Variants in RFC3 observed in about 807,000 individuals in gnomAD.
The protein encoded by RFC3 is A1 38 kDa subunit.
In RFC3, 41 loss-of-function variants were observed where a neutral mutation model predicts 45.1. That is an observed-to-expected ratio of 0.91 (90% CI 0.71 to 1.18). RFC3 has a LOEUF of 1.18. Ranked by LOEUF, RFC3 falls within the 50% of genes most tolerant of loss-of-function variation. The pLI is 0.00. For missense variants in RFC3, 423 were observed against 428.1 expected (o/e 0.99, Z 0.10); for synonymous variants, 149 against 144.0 (o/e 1.03, Z -0.25).
At chr13:33,857,018 T>C (rs544514943) in intron 8 of RFC3, among the ~76,000 whole-genome samples, 1 of 152,306 alleles carries the variant, frequency 6.6e-6, no homozygotes, top group East Asian at 1.9e-4. Context: ...AAGTGGACTT[T>C]GTACTTTGAA....
the RFC3 span, among the ~76,000 whole-genome samples, chr13:33,973,170 A>G: frequency 7.9e-5 from 12 of 152,288 alleles, no homozygotes; most frequent in Admixed American, 5.2e-4. Context: ...ATATATATAC[A>G]TAAGTAATAG....
chr13:33,883,283 C>T (rs2082497317), intron 8 of RFC3, among the ~76,000 whole-genome samples: 1 of 152,126 alleles, frequency 6.6e-6, no homozygotes, highest in African/African-American at 2.4e-5. Context: ...AGAATATGGA[C>T]ATGGAAAATG....
chr13:33,874,035 T>C (rs1019126708), intron 8 of RFC3, among the ~76,000 whole-genome samples: 1 of 151,970 alleles, frequency 6.6e-6, no homozygotes, highest in Non-Finnish European at 1.5e-5. Context: ...TTTAATGTTA[T>C]TGCTCTTTCT....
At chr13:33,878,422 G>T (rs1190437640) in intron 8 of RFC3, among the ~76,000 whole-genome samples, 2 of 152,140 alleles carry the variant, frequency 1.3e-5, no homozygotes, top group African/African-American at 4.8e-5. Flanking sequence ...CAGAGGAGGA[G>T]GGATGGTGAG....
At chr13:33,837,921 T>TA (rs2082169972), downstream of RFC3, among the ~76,000 whole-genome samples, 1 of 152,178 alleles carries the variant, frequency 6.6e-6, no homozygotes, top group South Asian at 2.1e-4. Flanking sequence ...AGTTCAAACT[T>TA]TTCTGATTTC....
At chr13:33,894,096 A>G (rs903758898) in intron 8 of RFC3, among the ~76,000 whole-genome samples, 4 of 152,198 alleles carry the variant, frequency 2.6e-5, no homozygotes, top group African/African-American at 9.6e-5. Flanking sequence ...ACTTTTTCCA[A>G]TAAGCAACAC....
Position 33,831,254 on chromosome 13 carries a change from A to AGATATCCTTTTAC in RFC3, c.711-1_722dup, listed in dbSNP as rs2082100945. 6.4e-7 allele frequency: 1 copy of AGATATCCTTTTAC among 1,557,086 alleles called. No individual in the cohort carries two copies. Among genetic ancestry groups the AGATATCCTTTTAC allele is most frequent in the African/African-American group, 1.4e-5 (1 of 73,720 alleles). On this transcript the variant is annotated splice_acceptor_variant, in intron 6 of 8. Coordinates refer to ENST00000380071, the MANE Select transcript of RFC3 (RefSeq NM_002915.4). LOFTEE classifies it high-confidence loss of function. ...TTCTTGTGTTCTCTTTTTGTCATGT[A>AGATATCCTTTTAC]GATATCCTTTTACTGCAGATCAAGA... is the stretch of plus-strand genomic sequence containing the variant.
intron 8 of RFC3, among the ~76,000 whole-genome samples, chr13:33,896,125 C>CA: frequency 6.6e-6 from 1 of 150,532 alleles, no homozygotes; most frequent in East Asian, 2.0e-4. Flanking sequence ...GTTTGCATAA[C>CA]AAAAAAACCA....
intron 8 of RFC3, among the ~76,000 whole-genome samples, chr13:33,878,275 T>G (rs898402921): frequency 2.0e-5 from 3 of 152,224 alleles, no homozygotes; most frequent in Admixed American, 6.5e-5. Flanking sequence ...TTGAGTGATA[T>G]CCAGTGGTTA....
intron 8 of RFC3, among the ~76,000 whole-genome samples, chr13:33,963,835 T>C (rs949055121): frequency 6.6e-6 from 1 of 152,202 alleles, no homozygotes; most frequent in Non-Finnish European, 1.5e-5. Context: ...TATGAAAGCC[T>C]CACCAAAGAG....
chr13:33,867,889 T>G (rs1764815577), intron 8 of RFC3, among the ~76,000 whole-genome samples: 1 of 152,256 alleles, frequency 6.6e-6, no homozygotes, highest in Non-Finnish European at 1.5e-5. Flanking sequence ...TTGTCTTTCC[T>G]TCCTCCCTAC....
rs1555234341 is a variant in RFC3 at position 33,860,915 on chromosome 13, A to ATAT, written c.879+25699_879+25700insATT. The stretch of plus-strand genomic sequence containing the variant: ...AGAAACATATTAAATATATATATAT[A>ATAT]TTTTTTTACCAGGTCTTGCTCTGTT... On this transcript the variant is annotated intron_variant, in intron 8 of 8. Transcript: ENST00000434425. Among the ~76,000 whole-genome samples, 11 of 150,428 alleles carry ATAT rather than the reference A, an allele frequency of 7.3e-5. No individual in the cohort carries two copies. The South Asian group carries it at 1.5e-3, about 20-fold the overall frequency.
chr13:33,968,281 C>T (rs1464561005), downstream of RFC3, among the ~76,000 whole-genome samples: 1 of 152,192 alleles, frequency 6.6e-6, no homozygotes, highest in African/African-American at 2.4e-5. Flanking sequence ...GTGTGCGCCA[C>T]TACACCTGGC....
At chr13:33,840,147 ATGGGC>A (rs2082187165), downstream of RFC3, among the ~76,000 whole-genome samples, 3 of 152,140 alleles carry the variant, frequency 2.0e-5, no homozygotes, top group South Asian at 2.1e-4. Flanking sequence ...TCCTTGATTT[ATGGGC>A]TTTTGTATTT....
intron 8 of RFC3, among the ~76,000 whole-genome samples, chr13:33,919,547 C>T (rs1467355597): frequency 6.6e-6 from 1 of 152,086 alleles, no homozygotes; most frequent in Non-Finnish European, 1.5e-5. Flanking sequence ...GTAAACTGAT[C>T]ACCTAGAAAA....
In RFC3 at chr13:33,899,382, C is replaced by T. The variant is rs186491312; in HGVS notation, c.879+64165C>T. Among the ~76,000 whole-genome samples the T allele has an allele frequency of 1.5e-3, 224 of 151,660 alleles. 1 individual carries two copies. Among genetic ancestry groups the T allele is most frequent in the African/African-American group, 4.7e-3 (196 of 41,452 alleles). ...AGGAATGCAAGGATGGTTCAACATA[C>T]GCAAATCAGTAAATGTGATACATCA... On this transcript the variant is annotated intron_variant, in intron 8 of 8. Coordinates refer to the RFC3 transcript ENST00000434425.
Position 33,834,329 on chromosome 13 carries a change from T to TATATATATATATATATATACACATAC in RFC3, c.810-817_810-816insATATATATATATATATACACATACAT, listed in dbSNP as rs1300798923. ...ATATATATATATATATATATATATA[T>TATATATATATATATATATACACATAC]ATCTGTACTGTAAAAATTCAGAAGT... On this transcript the variant is annotated intron_variant, in intron 7 of 8. Coordinates refer to ENST00000380071, the MANE Select transcript of RFC3 (RefSeq NM_002915.4). Among the ~76,000 whole-genome samples, 733 of 124,800 alleles carry TATATATATATATATATATACACATAC rather than the reference T, an allele frequency of 5.9e-3. 23 individuals carry two copies. The highest frequency in any genetic ancestry group is 0.012 in the Admixed American group (142 of 11,784). 81.9% of individuals were successfully genotyped at this position (124,800 alleles called of 152,430 possible).
intron 8 of RFC3, among the ~76,000 whole-genome samples, chr13:33,921,333 A>C (rs1420339014): frequency 6.6e-6 from 1 of 152,166 alleles, no homozygotes; most frequent in East Asian, 1.9e-4. Flanking sequence ...CCAAGAGTCA[A>C]GTAAGTCTTC....
chr13:33,885,015 G>A (rs369639993), intron 8 of RFC3, among the ~76,000 whole-genome samples: 3 of 152,130 alleles, frequency 2.0e-5, no homozygotes, highest in African/African-American at 7.2e-5. Flanking sequence ...GCACTGCACC[G>A]TGCTGGGAAG....
Sources: gnomAD v4.1 joint callset for allele counts (sites outside exome capture counted in the v4.1 genomes callset) on GRCh38, gnomAD v4.1.1 for gene constraint, MANE v1.5 for transcripts, NCBI Gene and HGNC (gene_info 2026-07-23, HGNC 2026-07-21) for gene names.